The following DCAF17 variants were observed in gnomAD, a reference collection of about 807,000 sequenced individuals.
The protein encoded by DCAF17 is DDB1 and CUL4 associated factor 17, also known as DDB1- and CUL4-associated factor 17.
DCAF17 carries 48 observed loss-of-function variants against 66.0 expected under a neutral mutation model. The ratio of observed to expected loss-of-function variants is 0.73; its 90% CI spans 0.58 to 0.92. The LOEUF is 0.92. Ranked by LOEUF, DCAF17 falls within the 40% of genes least tolerant of loss-of-function variation. DCAF17 has a pLI of 0.00. For missense variants in DCAF17, 562 were observed against 622.8 expected (o/e 0.90, Z 1.04); for synonymous variants, 206 against 214.6 (o/e 0.96, Z 0.35).
chr2:171,475,059 T>A (rs1447650517), intron 10 of DCAF17, among the ~76,000 whole-genome samples: 1 of 152,236 alleles, frequency 6.6e-6, no homozygotes, highest in Non-Finnish European at 1.5e-5. Context: ...AAAACCAATA[T>A]AGTTAGCATG....
intron 6 of DCAF17, among the ~76,000 whole-genome samples, chr2:171,455,102 A>G (rs927818318): frequency 1.3e-5 from 2 of 151,134 alleles, no homozygotes; most frequent in African/African-American, 4.9e-5. Context: ...AATATCTATT[A>G]GTTATTTTTC....
At position 171,481,134 on chromosome 2, in the gene DCAF17, A is replaced by G. The variant is rs1696724397; in HGVS notation, c.*20A>G. 1 of 1,613,100 alleles carries G rather than the reference A, an allele frequency of 6.2e-7. No individual in the cohort carries two copies. The highest frequency in any genetic ancestry group is 8.5e-7 in the Non-Finnish European group (1 of 1,179,278). ...TGTTAAAAAGAGTGAGATAATTGTA[A>G]CCTAAGAGACTTTTAGCCAAACACC... On this transcript the variant is annotated 3_prime_UTR_variant, in exon 14 of 14. Coordinates refer to ENST00000375255, the MANE Select transcript of DCAF17 (RefSeq NM_025000.4).
intron 8 of DCAF17, among the ~76,000 whole-genome samples, chr2:171,466,852 A>G (rs1695933206): frequency 6.6e-6 from 1 of 151,408 alleles, no homozygotes; most frequent in African/African-American, 2.4e-5. Context: ...TCCAACTCTA[A>G]TTGTATGTTT....
At chr2:171,436,955 G>C (rs1251588620) in intron 2 of DCAF17, among the ~76,000 whole-genome samples, 1 of 151,922 alleles carries the variant, frequency 6.6e-6, no homozygotes, top group Middle Eastern at 3.4e-3. Flanking sequence ...TGTATTTTTG[G>C]TAGAGACCGG....
At chr2:171,434,747 G>T (rs967431707) in intron 1 of DCAF17, 44 bp downstream of exon 1, 1 of 1,391,602 alleles carries the variant, frequency 7.2e-7, no homozygotes, top group South Asian at 1.6e-5. Context: ...CCGCGGGCGC[G>T]CGGCGGCCGA....
chr2:171,435,331 C>T (rs1693805344), intron 2 of DCAF17, 145 bp downstream of exon 2: 2 of 685,112 alleles, frequency 2.9e-6, no homozygotes, highest in Non-Finnish European at 5.1e-6. Context: ...GTAAAAAATG[C>T]ATGTAATTTT....
At chr2:171,449,159 C>T (rs1694808124) in intron 4 of DCAF17, among the ~76,000 whole-genome samples, 1 of 152,180 alleles carries the variant, frequency 6.6e-6, no homozygotes, top group Non-Finnish European at 1.5e-5. Flanking sequence ...TGGGTGTGCA[C>T]CCCATGCCCA....
intron 8 of DCAF17, among the ~76,000 whole-genome samples, chr2:171,463,998 T>G (rs1695749378): frequency 6.6e-6 from 1 of 152,182 alleles, no homozygotes; most frequent in Non-Finnish European, 1.5e-5. Context: ...ACTTGTGGAT[T>G]TTTTATTTGT....
At position 171,484,387 on chromosome 2, in the gene DCAF17, C is replaced by T. The variant is rs1459293380; in HGVS notation, c.*3273C>T. ...CATTTTATTATGAAAAATGTTCAAACATACAGTAAAATTGAAAGAATTTTA... is the reference window on the plus strand; with the variant it reads ...CATTTTATTATGAAAAATGTTCAAATATACAGTAAAATTGAAAGAATTTTA... On this transcript the variant is annotated 3_prime_UTR_variant, in exon 14 of 14. Transcript: ENST00000375255. The T allele has an allele frequency of 1.8e-5, 7 of 389,706 alleles. No individual in the cohort carries two copies. Among genetic ancestry groups the T allele is most frequent in the Non-Finnish European group, 3.5e-5 (7 of 202,284 alleles). 24.1% of individuals were successfully genotyped at this position (389,706 alleles called of 1,614,324 possible).
chr2:171,481,353 A>G lies in DCAF17; in HGVS notation c.*239A>G, dbSNP rs1481427322. ...AGAAGTTTAGTGTTTTGCAGCTTTG[A>G]GCTAGGTGGTAATGCAAATATAAAA... On this transcript the variant is annotated 3_prime_UTR_variant, in exon 14 of 14. Coordinates refer to ENST00000375255, the MANE Select transcript of DCAF17 (RefSeq NM_025000.4). 6 of 589,112 alleles carry G rather than the reference A, an allele frequency of 1.0e-5. No individual in the cohort carries two copies. The highest frequency in any genetic ancestry group is 9.2e-5 in the African/African-American group (5 of 54,514). The allele number at this position is 589,112 out of a possible 1,614,324, so 36.5% of individuals were successfully genotyped here. A position where few individuals can be genotyped will look rare whatever the true frequency, so the allele number is the denominator to read the frequency against.
chr2:171,472,649 A>T (rs933498367), intron 9 of DCAF17, among the ~76,000 whole-genome samples: 1 of 152,228 alleles, frequency 6.6e-6, no homozygotes, highest in Admixed American at 6.5e-5. Context: ...CATAGCTCAC[A>T]ATAACTGCGT....
chr2:171,458,056 T>A lies in DCAF17; in HGVS notation c.713T>A (p.Phe238Tyr). 1 of 1,613,978 alleles carries A rather than the reference T, an allele frequency of 6.2e-7. No individual in the cohort carries two copies. Among genetic ancestry groups the A allele is most frequent in the Non-Finnish European group, 8.5e-7 (1 of 1,179,902 alleles). ...YSSGLVRLYS[F>Y]QTIAEQFMQQ... Reference sequence around the variant, plus strand: ...TCAGGACTGGTCAGACTCTATAGCTTCCAAACCATCGCTGAACAGGTAGAG... The same window carrying A: ...TCAGGACTGGTCAGACTCTATAGCTACCAAACCATCGCTGAACAGGTAGAG... The change falls in exon 7 of 14, where the codon TTC (phenylalanine) becomes TAC (tyrosine). Residue 238 changes from phenylalanine to tyrosine, a missense_variant. Physicochemically the swap from Phe to Tyr is conservative, Grantham distance 22. Coordinates refer to ENST00000375255, the MANE Select transcript of DCAF17 (RefSeq NM_025000.4).
intron 8 of DCAF17, among the ~76,000 whole-genome samples, chr2:171,466,048 G>C (rs1237870498): frequency 6.6e-6 from 1 of 151,904 alleles, no homozygotes; most frequent in African/African-American, 2.4e-5. Context: ...ATTTTTAGTA[G>C]AGGTGAGGTT....
Position 171,449,888 on chromosome 2 carries a change from C to G in DCAF17, c.468C>G (p.Ser156Arg). ...TTCATTCTTTTAAAAGATACTTGAG[C>G]TGGGACACTCCTCAAGAAGTCATTG... Reference protein sequence around the residue: ...LAPYCKFRYLSWDTPQEVIAV... With the variant: ...LAPYCKFRYLRWDTPQEVIAV... The change falls in exon 5 of 14, where the codon AGC (serine) becomes AGG (arginine). Residue 156 changes from serine (S) to arginine (R), a missense_variant. Ser to Arg is a moderately radical substitution (Grantham distance 110). Coordinates refer to ENST00000375255, the MANE Select transcript of DCAF17 (RefSeq NM_025000.4). 1 of 1,613,246 alleles carries G rather than the reference C, an allele frequency of 6.2e-7. No homozygotes were observed. The highest frequency in any genetic ancestry group is 8.5e-7 in the Non-Finnish European group (1 of 1,179,422).
At chr2:171,450,937 A>G (rs1325498266) in intron 5 of DCAF17, among the ~76,000 whole-genome samples, 4 of 152,096 alleles carry the variant, frequency 2.6e-5, no homozygotes, top group African/African-American at 7.2e-5. Flanking sequence ...AAACTCAGGC[A>G]GTTTAGCTCT....
chr2:171,450,930 C>T (rs913408233), intron 5 of DCAF17, among the ~76,000 whole-genome samples: 1 of 152,052 alleles, frequency 6.6e-6, no homozygotes, highest in Admixed American at 6.6e-5. Context: ...TTGGCTCAAA[C>T]TCAGGCAGTT....
intron 3 of DCAF17, 54 bp from the exon 4 acceptor site, chr2:171,448,627 C>T: frequency 6.8e-7 from 1 of 1,465,604 alleles, no homozygotes; most frequent in Admixed American, 2.4e-5. Context: ...TTGATTACTG[C>T]AAATTGTTCA....
intron 8 of DCAF17, among the ~76,000 whole-genome samples, chr2:171,460,120 C>T (rs1485896672): frequency 3.3e-5 from 5 of 151,576 alleles, no homozygotes; most frequent in Non-Finnish European, 5.9e-5. Flanking sequence ...GTCAGGAGTT[C>T]GAGACCAGCC....
intron 10 of DCAF17, among the ~76,000 whole-genome samples, chr2:171,475,026 G>T (rs747356771): frequency 4.6e-5 from 7 of 152,202 alleles, no homozygotes; most frequent in Non-Finnish European, 8.8e-5. Context: ...ACCTTTTAAT[G>T]GCTTTTCATT....
Sources: allele counts gnomAD v4.1 joint callset (sites outside exome capture counted in the v4.1 genomes callset), GRCh38; gene constraint gnomAD v4.1.1; transcripts MANE v1.5; gene names NCBI Gene and HGNC (gene_info 2026-07-23, HGNC 2026-07-21).